Variants in MAPKAP1 observed in about 807,000 individuals in gnomAD.
MAPKAP1 encodes the protein target of rapamycin complex 2 subunit MAPKAP1.
MAPKAP1 carries 20 observed loss-of-function variants against 65.7 expected under a neutral mutation model. That is an observed-to-expected ratio of 0.30 (90% CI 0.21 to 0.44). The LOEUF (loss-of-function observed/expected upper bound fraction) is 0.44. Among genes scored for constraint, MAPKAP1 ranks in the 20% least tolerant of loss-of-function variants. The pLI, the probability that MAPKAP1 is intolerant of heterozygous loss-of-function variation, is 1.00. For synonymous variants in MAPKAP1, 222 were observed against 244.3 expected, an observed-to-expected ratio of 0.91 and a Z score of 0.85; for missense variants, 423 against 648.0, an observed-to-expected ratio of 0.65 and a Z score of 3.77.
intron 4 of MAPKAP1, among the ~76,000 whole-genome samples, chr9:125,606,859 G>A (rs931477339): frequency 6.6e-6 from 1 of 152,164 alleles, no homozygotes; most frequent in Non-Finnish European, 1.5e-5. Context: ...GACTTTCATG[G>A]AGCTAGGGGC....
At chr9:125,541,322 CTAAG>C (rs1830241527) in intron 7 of MAPKAP1, among the ~76,000 whole-genome samples, 1 of 152,150 alleles carries the variant, frequency 6.6e-6, no homozygotes, top group Non-Finnish European at 1.5e-5. Flanking sequence ...TCAGCTGTAT[CTAAG>C]TAAGTTCATA....
intron 3 of MAPKAP1, among the ~76,000 whole-genome samples, chr9:125,658,652 T>A (rs569709259): frequency 4.9e-4 from 75 of 152,356 alleles, no homozygotes; most frequent in African/African-American, 1.7e-3. Flanking sequence ...ATGATTGAAA[T>A]AATTCAGATT....
intron 1 of MAPKAP1, among the ~76,000 whole-genome samples, chr9:125,678,525 A>G (rs1361253592): frequency 6.6e-6 from 1 of 152,186 alleles, no homozygotes; most frequent in African/African-American, 2.4e-5. Context: ...TACAGGCGTG[A>G]GCCACCGCGC....
chr9:125,649,953 G>C (rs1317166303), intron 4 of MAPKAP1, among the ~76,000 whole-genome samples: 1 of 152,090 alleles, frequency 6.6e-6, no homozygotes, highest in Non-Finnish European at 1.5e-5. Context: ...TTCTTTGAGG[G>C]AGAAGCCCTC....
At chr9:125,598,156 C>CTT (rs979256359) in intron 4 of MAPKAP1, among the ~76,000 whole-genome samples, 1 of 150,070 alleles carries the variant, frequency 6.7e-6, no homozygotes, top group Non-Finnish European at 1.5e-5. Flanking sequence ...ACAAAAAGAA[C>CTT]TTTTTTTTTA....
chr9:125,648,736 T>C (rs1380897998), intron 4 of MAPKAP1, among the ~76,000 whole-genome samples: 4 of 151,524 alleles, frequency 2.6e-5, no homozygotes, highest in African/African-American at 4.9e-5. Context: ...TGGTCAGGAG[T>C]TGGAGACCAG....
At chr9:125,523,937 C>G (rs1232504440) in intron 7 of MAPKAP1, among the ~76,000 whole-genome samples, 1 of 152,240 alleles carries the variant, frequency 6.6e-6, no homozygotes, top group Non-Finnish European at 1.5e-5. Context: ...CTCCACCTGT[C>G]AACAGGGCTT....
intron 1 of MAPKAP1, chr9:125,696,516 A>G: frequency 6.6e-6 from 1 of 152,164 alleles, no homozygotes; most frequent in East Asian, 1.9e-4. Flanking sequence ...AAATTCAAGC[A>G]GACAAAACTA....
At chr9:125,652,330 A>G (rs929567480) in intron 4 of MAPKAP1, 53 of 986,218 alleles carry the variant, frequency 5.4e-5, no homozygotes, top group Non-Finnish European at 6.5e-5. Flanking sequence ...GCTATTAACC[A>G]GTATGTGTTA....
At chr9:125,597,262 C>T in intron 4 of MAPKAP1, among the ~76,000 whole-genome samples, 1 of 60,718 alleles carries the variant, frequency 1.6e-5, no homozygotes, top group East Asian at 6.5e-4. Flanking sequence ...GAGACTCCGT[C>T]TCAAAAAAAA....
chr9:125,547,087 G>T (rs779596252), intron 6 of MAPKAP1, among the ~76,000 whole-genome samples: 1 of 152,120 alleles, frequency 6.6e-6, no homozygotes, highest in Non-Finnish European at 1.5e-5. Context: ...ACCACTGAAC[G>T]ATGTATGGGC....
chr9:125,457,644 G>A (rs1200346810), intron 10 of MAPKAP1, among the ~76,000 whole-genome samples: 5 of 152,226 alleles, frequency 3.3e-5, no homozygotes, highest in Non-Finnish European at 5.9e-5. Context: ...TTTACTTGTG[G>A]ATCAGTTTGA....
chr9:125,576,994 G>A (rs1232978577), intron 5 of MAPKAP1, among the ~76,000 whole-genome samples: 1 of 151,942 alleles, frequency 6.6e-6, no homozygotes, highest in Admixed American at 6.5e-5. Flanking sequence ...TCTGGGATGT[G>A]AGGAGCCCCT....
chr9:125,443,698 T>C (rs10986759), intron 11 of MAPKAP1, among the ~76,000 whole-genome samples: 95,961 of 128,774 alleles, frequency 0.75, 34,949 homozygotes, highest in African/African-American at 0.83. Flanking sequence ...CCCCGCCAGC[T>C]CCCCCAGCCC....
intron 6 of MAPKAP1, among the ~76,000 whole-genome samples, chr9:125,557,350 T>C (rs1305181776): frequency 6.6e-6 from 1 of 152,220 alleles, no homozygotes; most frequent in Non-Finnish European, 1.5e-5. Flanking sequence ...GTTCTAGTCA[T>C]ATTAATAATC....
intron 5 of MAPKAP1, among the ~76,000 whole-genome samples, chr9:125,578,012 T>C (rs921632917): frequency 5.9e-5 from 9 of 151,866 alleles, no homozygotes; most frequent in South Asian, 2.1e-4. Context: ...GGGGAAAAGA[T>C]TGAGAAATCG....
At chr9:125,544,165 C>T (rs572303082) in intron 6 of MAPKAP1, among the ~76,000 whole-genome samples, 3 of 152,176 alleles carry the variant, frequency 2.0e-5, no homozygotes, top group Admixed American at 6.5e-5. Context: ...CGCCTGCCAC[C>T]GTGCCTGGCT....
chr9:125,620,245 G>T (rs1402252735), intron 4 of MAPKAP1, among the ~76,000 whole-genome samples: 1 of 152,176 alleles, frequency 6.6e-6, no homozygotes, highest in African/African-American at 2.4e-5. Context: ...GGAGGTGGAG[G>T]TTAAGTGAGC....
chr9:125,661,570 T>C (rs1476386719), intron 3 of MAPKAP1, among the ~76,000 whole-genome samples: 1 of 152,198 alleles, frequency 6.6e-6, no homozygotes, highest in Non-Finnish European at 1.5e-5. Flanking sequence ...CAAAACAGTA[T>C]GTATAGTATG....
Sources: gnomAD v4.1 joint callset for allele counts (sites outside exome capture counted in the v4.1 genomes callset) on GRCh38, gnomAD v4.1.1 for gene constraint, MANE v1.5 for transcripts, NCBI Gene and HGNC (gene_info 2026-07-23, HGNC 2026-07-21) for gene names.